The following INPP5A variants were observed in gnomAD, a reference collection of about 807,000 sequenced individuals.
INPP5A encodes 43 kDa inositol polyphosphate 5-phophatase.
A neutral mutation model predicts 65.2 loss-of-function variants in INPP5A; 14 were observed. The observed-to-expected ratio is 0.21, with a 90% CI of 0.14 to 0.34. The LOEUF is 0.34. Ranked by LOEUF, INPP5A falls within the 10% of genes least tolerant of loss-of-function variation. The pLI, the probability that INPP5A is intolerant of heterozygous loss-of-function variation, is 1.00. For synonymous variants in INPP5A, 207 were observed against 208.3 expected (o/e 0.99, Z 0.05); for missense variants, 431 against 545.6 (o/e 0.79, Z 2.09).
rs1565008546 is a variant in INPP5A at position 132,766,150 on chromosome 10, G to GTTCT, written c.977+305_977+306insTCTT. Among the ~76,000 whole-genome samples, 429 of 151,488 alleles carry GTTCT rather than the reference G, an allele frequency of 2.8e-3. 2 individuals carry two copies. Among genetic ancestry groups the GTTCT allele is most frequent in the African/African-American group, 0.01 (417 of 40,976 alleles). On this transcript the variant is annotated intron_variant, in intron 12 of 15. Transcript: ENST00000368594. ...CATCTGTGTGTGCACGTGTGCATCT[G>GTTCT]TGTGTGCACGTGTGTGTTCTTGTGT...
At chr10:132,581,718 T>G (rs2071486502) in intron 1 of INPP5A, among the ~76,000 whole-genome samples, 1 of 152,038 alleles carries the variant, frequency 6.6e-6, no homozygotes, top group Non-Finnish European at 1.5e-5. Context: ...CTTTTGCCCA[T>G]TTTTTTTGAG....
At chr10:132,688,852 G>A (rs560369579) in intron 4 of INPP5A, among the ~76,000 whole-genome samples, 2 of 151,840 alleles carry the variant, frequency 1.3e-5, no homozygotes, top group East Asian at 1.9e-4. Context: ...GCGTGAGTGC[G>A]TGTGTGCATG....
At chr10:132,569,596 G>A (rs1257075419) in intron 1 of INPP5A, among the ~76,000 whole-genome samples, 2 of 152,168 alleles carry the variant, frequency 1.3e-5, no homozygotes, top group East Asian at 1.9e-4. Flanking sequence ...GAGTGCAAGC[G>A]ATTCTCTGCC....
chr10:132,781,771 G>C, intron 14 of INPP5A, 90 bp from the exon 15 acceptor site: 1 of 1,061,184 alleles, frequency 9.4e-7, no homozygotes, highest in Admixed American at 1.7e-5. Context: ...CTGGTGAGAC[G>C]CAGGGTCTGG....
chr10:132,701,969 G>A lies in INPP5A; in HGVS notation c.474+4050G>A, dbSNP rs926761035. Among the ~76,000 whole-genome samples the A allele has an allele frequency of 4.6e-5, 7 of 152,238 alleles. 1 individual carries two copies. Among genetic ancestry groups the A allele is most frequent in the African/African-American group, 1.7e-4 (7 of 41,466 alleles). ...GGTGGGGCCACCGAAGGGTGCATGG[G>A]ACGCCCTCTGTGAGGACTCTCCCTG... On this transcript the variant is annotated intron_variant, in intron 6 of 15. Coordinates refer to ENST00000368594, the MANE Select transcript of INPP5A (RefSeq NM_005539.5).
At chr10:132,713,276 CA>C (rs1845682514) in intron 8 of INPP5A, among the ~76,000 whole-genome samples, 1 of 152,014 alleles carries the variant, frequency 6.6e-6, no homozygotes, top group Admixed American at 6.5e-5. Flanking sequence ...GTGTACCTGT[CA>C]TAGCTCAGCA....
At position 132,762,012 on chromosome 10, in the gene INPP5A, T is replaced by C. The variant is rs1846743375; in HGVS notation, c.904-3761T>C. 6.6e-6 allele frequency among the ~76,000 whole-genome samples: 1 copy of C among 151,908 alleles called. No homozygotes were observed. The highest frequency in any genetic ancestry group is 1.5e-5 in the Non-Finnish European group (1 of 67,988). On this transcript the variant is annotated intron_variant, in intron 11 of 15. Transcript: ENST00000368594. This position sits in a 1 kb window ranked among gnomAD's most constrained non-coding sequence, Gnocchi z 4.6. ...AAGTATTATCATTAAAATTAAAAGC[T>C]CCAGGGATGAATTAAGTGCCGGAGT...
rs73383188 is a variant in INPP5A at position 132,660,028 on chromosome 10, G to A, written c.306+9523G>A. ...TCCGCCGACGCGTGACCCACGGCAC[G>A]TTCCCGCGCTCCGCCGACGCGTGGC... On this transcript the variant is annotated intron_variant, in intron 4 of 15. Transcript: ENST00000368594. Among the ~76,000 whole-genome samples, 867 of 152,276 alleles carry A rather than the reference G, an allele frequency of 5.7e-3. 9 individuals carry two copies. The highest frequency in any genetic ancestry group is 0.02 in the African/African-American group (816 of 41,556).
chr10:132,625,757 G>A (rs570863334), intron 2 of INPP5A, among the ~76,000 whole-genome samples: 55 of 152,202 alleles, frequency 3.6e-4, no homozygotes, highest in African/African-American at 1.3e-3. Context: ...GGAGCAGGGG[G>A]TTCTGGAGGG....
At chr10:132,606,632 C>T (rs759184206) in intron 1 of INPP5A, among the ~76,000 whole-genome samples, 3 of 152,200 alleles carry the variant, frequency 2.0e-5, no homozygotes, top group Admixed American at 6.5e-5. Flanking sequence ...TTCTTAGACC[C>T]GTCAGCAAGT....
At chr10:132,691,779 T>G (rs1056150953) in intron 5 of INPP5A, among the ~76,000 whole-genome samples, 1 of 151,876 alleles carries the variant, frequency 6.6e-6, no homozygotes, top group Non-Finnish European at 1.5e-5. Context: ...AGGAGGCGTG[T>G]GGACGCGGGA....
intron 11 of INPP5A, among the ~76,000 whole-genome samples, chr10:132,756,056 T>C (rs1412832870): frequency 6.6e-6 from 1 of 152,124 alleles, no homozygotes; most frequent in Non-Finnish European, 1.5e-5. Flanking sequence ...AGGGACCCCA[T>C]CATTGGGTGG....
rs114052864 is a variant in INPP5A, at chr10:132,597,712, C to T, written c.76-10203C>T. ...TAGTGTGTGCTGCAGCGCTGTGCTACGTGTAGTGACCCTGGGCCTGTGGTG... is the reference window on the plus strand; with the variant it reads ...TAGTGTGTGCTGCAGCGCTGTGCTATGTGTAGTGACCCTGGGCCTGTGGTG... On this transcript the variant is annotated intron_variant, in intron 1 of 15. Coordinates refer to ENST00000368594, the MANE Select transcript of INPP5A (RefSeq NM_005539.5). Among the ~76,000 whole-genome samples, 207 of 151,758 alleles carry T rather than the reference C, an allele frequency of 1.4e-3. 1 individual carries two copies. The highest frequency in any genetic ancestry group is 4.6e-3 in the African/African-American group (189 of 41,404).
In INPP5A at chr10:132,549,915, C is replaced by T. The variant is rs898896862; in HGVS notation, c.75+11744C>T. ...ATGGGGTCAGCCTCGAGTTACTAAC[C>T]GGGCATTAGGGGATGGGGTCAGCCT... On this transcript the variant is annotated intron_variant, in intron 1 of 15. Transcript: ENST00000368594. This position sits in a 1 kb window ranked among gnomAD's most constrained non-coding sequence, Gnocchi z 4.9. Among the ~76,000 whole-genome samples the T allele has an allele frequency of 4.0e-5, 6 of 150,126 alleles. No homozygotes were observed. Among genetic ancestry groups the T allele is most frequent in the Admixed American group, 1.3e-4 (2 of 15,090 alleles).
At chr10:132,682,894 T>G (rs533262136) in intron 4 of INPP5A, among the ~76,000 whole-genome samples, 113 of 150,520 alleles carry the variant, frequency 7.5e-4, no homozygotes, top group Non-Finnish European at 1.4e-3. Context: ...TTAATCTGTG[T>G]GTACACATGT....
chr10:132,635,927 G>A (rs934678640), intron 2 of INPP5A, among the ~76,000 whole-genome samples: 2 of 148,800 alleles, frequency 1.3e-5, no homozygotes, highest in African/African-American at 2.5e-5. Flanking sequence ...GCAGTGAGCT[G>A]TGATCACACC....
intron 9 of INPP5A, among the ~76,000 whole-genome samples, chr10:132,729,292 G>T (rs1846040644): frequency 6.6e-6 from 1 of 152,192 alleles, no homozygotes. Context: ...GCATCACCTG[G>T]CCTGCTCCCC....
chr10:132,541,940 G>A (rs954213197), intron 1 of INPP5A, among the ~76,000 whole-genome samples: 1 of 152,250 alleles, frequency 6.6e-6, no homozygotes, highest in Admixed American at 6.5e-5. Flanking sequence ...GACTCCTGCT[G>A]TCACTACTGG....
intron 11 of INPP5A, among the ~76,000 whole-genome samples, chr10:132,755,106 TGTGTGAGCTGGC>T (rs1323043875): frequency 3.3e-5 from 5 of 151,740 alleles, no homozygotes; most frequent in East Asian, 3.9e-4. Context: ...AGCAGGCAAG[TGTGTGAGCTGGC>T]GTGTGAGCAG....
Sources: gnomAD v4.1 joint callset for allele counts (sites outside exome capture counted in the v4.1 genomes callset) on GRCh38, gnomAD v4.1.1 for gene constraint, Gnocchi (gnomAD v3.1) non-coding constraint, MANE v1.5 for transcripts, NCBI Gene and HGNC (gene_info 2026-07-23, HGNC 2026-07-21) for gene names.